The following FHIP1A variants were observed in gnomAD, a reference collection of about 807,000 sequenced individuals.
The protein encoded by FHIP1A is FHF complex subunit HOOK interacting protein 1A.
Under a neutral mutation model 88.6 loss-of-function variants are expected in FHIP1A, and 61 were observed. The observed-to-expected ratio is 0.69, with a 90% CI of 0.56 to 0.85. The LOEUF is 0.85. Among genes scored for constraint, FHIP1A ranks in the 40% least tolerant of loss-of-function variants. FHIP1A has a pLI of 0.00. For synonymous variants in FHIP1A, 478 were observed against 496.0 expected (o/e 0.96, Z 0.48); for missense variants, 1,154 against 1,273.5 (o/e 0.91, Z 1.43).
intron 3 of FHIP1A, among the ~76,000 whole-genome samples, chr4:151,508,218 T>G (rs1730900816): frequency 6.6e-6 from 1 of 152,230 alleles, no homozygotes; most frequent in Non-Finnish European, 1.5e-5. Context: ...TCTTAGAATA[T>G]CTCAGAGAGA....
chr4:151,591,461 A>G (rs1041158713), intron 7 of FHIP1A, among the ~76,000 whole-genome samples: 3 of 151,446 alleles, frequency 2.0e-5, no homozygotes, highest in Non-Finnish European at 4.4e-5. Context: ...TTTTTATTGT[A>G]TTTTTATTAT....
chr4:151,540,367 G>T lies in FHIP1A; in HGVS notation c.-122-25771G>T, dbSNP rs189299092. On this transcript the variant is annotated intron_variant, in intron 3 of 13. Coordinates refer to ENST00000435205, the MANE Select transcript of FHIP1A (RefSeq NM_001109977.3). ...TACAGAAAACAGTGCTTTCAAAAGC[G>T]GACTATCCAGAAATACCTCATATAT... is the stretch of plus-strand genomic sequence containing the variant. Among the ~76,000 whole-genome samples, 44 of 152,196 alleles carry T rather than the reference G, an allele frequency of 2.9e-4. 1 individual carries two copies. The highest frequency in any genetic ancestry group is 1.5e-3 in the East Asian group (8 of 5,182).
intron 2 of FHIP1A, among the ~76,000 whole-genome samples, chr4:151,455,575 C>T (rs1371680325): frequency 6.6e-6 from 1 of 152,170 alleles, no homozygotes; most frequent in Non-Finnish European, 1.5e-5. Context: ...GCCCACCCCC[C>T]AGGTCTTTTC....
chr4:151,558,081 G>A (rs1561917), intron 3 of FHIP1A, among the ~76,000 whole-genome samples: 43,949 of 151,898 alleles, frequency 0.29, 6,570 homozygotes, highest in Non-Finnish European at 0.34. Context: ...AAGCTTCAAA[G>A]CAGTTAGATC....
chr4:151,591,685 G>C (rs1375369439), intron 7 of FHIP1A, among the ~76,000 whole-genome samples: 2 of 152,114 alleles, frequency 1.3e-5, no homozygotes, highest in Non-Finnish European at 2.9e-5. Context: ...CCACTTATGA[G>C]TGAGAACATG....
At chr4:151,499,599 G>A (rs1730577689) in intron 3 of FHIP1A, among the ~76,000 whole-genome samples, 1 of 152,170 alleles carries the variant, frequency 6.6e-6, no homozygotes, top group Non-Finnish European at 1.5e-5. Flanking sequence ...CCTTGTATTA[G>A]TCCACTCTCA....
Position 151,577,971 on chromosome 4 carries a change from G to T in FHIP1A, c.627G>T (p.Gly209=), listed in dbSNP as rs1733867863. Reference sequence around the variant, plus strand: ...TGATTCCCTTCATTCACCGAGAGGGGTCAGTAGGCCAGCAAGCTCGGGATG... The same window carrying T: ...TGATTCCCTTCATTCACCGAGAGGGTTCAGTAGGCCAGCAAGCTCGGGATG... ...SLLIPFIHRE[G]SVGQQARDAL... Residue 209 remains glycine (G), a synonymous_variant, in exon 5 of 14, where the codon GGG becomes GGT. Coordinates refer to ENST00000435205, the MANE Select transcript of FHIP1A (RefSeq NM_001109977.3). 6.4e-7 allele frequency: 1 copy of T among 1,551,268 alleles called. No individual in the cohort carries two copies. The highest frequency in any genetic ancestry group is 1.2e-5 in the South Asian group (1 of 84,018).
chr4:151,451,979 C>G (rs114598842), intron 1 of FHIP1A, among the ~76,000 whole-genome samples: 1,605 of 152,152 alleles, frequency 0.011, 9 homozygotes, highest in Non-Finnish European at 0.017. Context: ...CCACCATGCT[C>G]AGCTAATTTT....
intron 1 of FHIP1A, among the ~76,000 whole-genome samples, chr4:151,454,103 A>G (rs1728889202): frequency 6.6e-6 from 1 of 152,184 alleles, no homozygotes; most frequent in East Asian, 1.9e-4. Context: ...CCTAGAAGTG[A>G]TATTACTGGG....
chr4:151,563,600 C>T (rs1204542580), intron 3 of FHIP1A, among the ~76,000 whole-genome samples: 1 of 152,192 alleles, frequency 6.6e-6, no homozygotes, highest in Non-Finnish European at 1.5e-5. Flanking sequence ...GCTGCTTTAC[C>T]TACTTACAGC....
chr4:151,602,601 G>A (rs1186659076), intron 7 of FHIP1A, among the ~76,000 whole-genome samples: 1 of 152,182 alleles, frequency 6.6e-6, no homozygotes, highest in Non-Finnish European at 1.5e-5. Flanking sequence ...ATGAAAGTAC[G>A]CCAGGAGAGC....
intron 3 of FHIP1A, among the ~76,000 whole-genome samples, chr4:151,543,262 A>G (rs190845119): frequency 5.9e-5 from 9 of 152,306 alleles, no homozygotes; most frequent in Admixed American, 2.0e-4. Context: ...GCTCTTAAGC[A>G]CTGTACTGTA....
intron 6 of FHIP1A, among the ~76,000 whole-genome samples, chr4:151,587,037 CTGTTT>C (rs1278666774): frequency 4.6e-5 from 7 of 151,916 alleles, no homozygotes; most frequent in African/African-American, 1.5e-4. Context: ...TAAATTAATT[CTGTTT>C]TGATTATCTA....
intron 3 of FHIP1A, among the ~76,000 whole-genome samples, chr4:151,527,352 T>C (rs1731712608): frequency 6.6e-6 from 1 of 151,988 alleles, no homozygotes; most frequent in Non-Finnish European, 1.5e-5. Context: ...CGAAACCCCG[T>C]CTCCACCAAA....
chr4:151,599,938 T>C (rs1734799509), intron 7 of FHIP1A, among the ~76,000 whole-genome samples: 1 of 152,230 alleles, frequency 6.6e-6, no homozygotes, highest in Admixed American at 6.5e-5. Flanking sequence ...CAGGATTAGC[T>C]TGACAGAGGA....
chr4:151,542,633 C>G (rs1283724416), intron 3 of FHIP1A, among the ~76,000 whole-genome samples: 1 of 152,126 alleles, frequency 6.6e-6, no homozygotes, highest in Non-Finnish European at 1.5e-5. Context: ...TTTATGAGCT[C>G]CCAGTTGCCT....
intron 5 of FHIP1A, among the ~76,000 whole-genome samples, chr4:151,583,083 C>T (rs1734083197): frequency 6.6e-6 from 1 of 152,182 alleles, no homozygotes. Flanking sequence ...GTTCACTACT[C>T]TTTCCCCAGG....
At chr4:151,634,380 A>G (rs1230499959) in intron 8 of FHIP1A, among the ~76,000 whole-genome samples, 1 of 151,818 alleles carries the variant, frequency 6.6e-6, no homozygotes, top group Non-Finnish European at 1.5e-5. Context: ...CAAAATCCCA[A>G]TGGCATTTTT....
chr4:151,633,670 A>G (rs531069906), intron 8 of FHIP1A, among the ~76,000 whole-genome samples: 1 of 152,092 alleles, frequency 6.6e-6, no homozygotes, highest in African/African-American at 2.4e-5. Context: ...CAGTCAGTGT[A>G]ATATACCACA....
Sources: allele counts gnomAD v4.1 joint callset (sites outside exome capture counted in the v4.1 genomes callset), GRCh38; gene constraint gnomAD v4.1.1; transcripts MANE v1.5; gene names NCBI Gene and HGNC (gene_info 2026-07-23, HGNC 2026-07-21).